Variants in DDX10 observed in about 807,000 individuals in gnomAD.
The protein encoded by DDX10 is probable ATP-dependent RNA helicase DDX10.
In DDX10, 74 loss-of-function variants were observed where a neutral mutation model predicts 104.3. That is an observed-to-expected ratio of 0.71 (90% CI 0.59 to 0.86). The LOEUF is 0.86. Among genes scored for constraint, DDX10 ranks in the 40% least tolerant of loss-of-function variants. DDX10 has a pLI of 0.00. For synonymous variants in DDX10, 351 were observed against 353.4 expected (o/e 0.99, Z 0.08); for missense variants, 952 against 1,040.0 (o/e 0.92, Z 1.16).
intron 13 of DDX10, among the ~76,000 whole-genome samples, chr11:108,809,634 C>T (rs563712240): frequency 2.0e-5 from 3 of 152,286 alleles, no homozygotes; most frequent in Non-Finnish European, 2.9e-5. Context: ...GAGCTACCTG[C>T]TCATACCAGG....
intron 13 of DDX10, among the ~76,000 whole-genome samples, chr11:108,811,500 G>A (rs1862179492): frequency 6.6e-6 from 1 of 152,050 alleles, no homozygotes; most frequent in South Asian, 2.1e-4. Context: ...TTTTGAAAAG[G>A]AAACAAATTA....
intron 17 of DDX10, among the ~76,000 whole-genome samples, chr11:108,930,039 G>T (rs1359270800): frequency 6.6e-6 from 1 of 152,104 alleles, no homozygotes; most frequent in Non-Finnish European, 1.5e-5. Context: ...TCAAATTAGA[G>T]TTCACTTTCG....
At chr11:108,838,201 G>C (rs1015335418) in intron 13 of DDX10, among the ~76,000 whole-genome samples, 2 of 152,218 alleles carry the variant, frequency 1.3e-5, no homozygotes, top group South Asian at 4.1e-4. Flanking sequence ...TCTAGTAATA[G>C]AGAAAATGTA....
intron 13 of DDX10, among the ~76,000 whole-genome samples, chr11:108,836,680 G>A (rs1360554100): frequency 6.6e-6 from 1 of 152,012 alleles, no homozygotes; most frequent in Non-Finnish European, 1.5e-5. Flanking sequence ...GTAGATTCGG[G>A]GTTTTGCTGT....
chr11:108,749,674 G>T (rs190548850), intron 13 of DDX10, among the ~76,000 whole-genome samples: 5 of 152,124 alleles, frequency 3.3e-5, no homozygotes, highest in Admixed American at 3.3e-4. Context: ...TGTCAATGAA[G>T]TTGAGTAATT....
intron 6 of DDX10, among the ~76,000 whole-genome samples, chr11:108,684,191 A>ATTTTTTTTTTTTTTTTTTTTTT (rs1565245731): frequency 9.0e-5 from 1 of 11,058 alleles, no homozygotes; most frequent in African/African-American, 3.6e-4. Flanking sequence ...TTTTTTTTTT[A>ATTTTTTTTTTTTTTTTTTTTTT]ATTTTTTTTT....
At chr11:108,853,075 A>G (rs1464506251) in intron 16 of DDX10, among the ~76,000 whole-genome samples, 1 of 152,198 alleles carries the variant, frequency 6.6e-6, no homozygotes, top group African/African-American at 2.4e-5. Flanking sequence ...ATTATTTAAT[A>G]CTGAATATAA....
At chr11:108,877,795 C>T (rs1012502188) in intron 16 of DDX10, among the ~76,000 whole-genome samples, 2 of 152,092 alleles carry the variant, frequency 1.3e-5, no homozygotes, top group East Asian at 1.9e-4. Flanking sequence ...AGGGTAGAAA[C>T]GCACAGTTCC....
intron 15 of DDX10, 76 bp downstream of exon 15, chr11:108,841,552 C>T: frequency 7.9e-7 from 1 of 1,260,842 alleles, no homozygotes; most frequent in Non-Finnish European, 1.1e-6. Context: ...ATTAGCTATT[C>T]ATTAATAAGT....
intron 16 of DDX10, among the ~76,000 whole-genome samples, chr11:108,886,910 T>C (rs1863303533): frequency 2.0e-5 from 3 of 152,246 alleles, no homozygotes; most frequent in Admixed American, 6.5e-5. Context: ...TTCTGGACAT[T>C]TGTAGGTTAT....
chr11:108,831,421 CAAAAAAAAA>C (rs779264219), intron 13 of DDX10, among the ~76,000 whole-genome samples: 3 of 69,812 alleles, frequency 4.3e-5, no homozygotes, highest in African/African-American at 1.9e-4. Flanking sequence ...GAGACTGTCT[CAAAAAAAAA>C]AAAAAAAAAA....
intron 13 of DDX10, among the ~76,000 whole-genome samples, chr11:108,835,296 G>A (rs1862538968): frequency 4.6e-5 from 7 of 152,218 alleles, no homozygotes; most frequent in Admixed American, 4.6e-4. Context: ...AAGCATAGTG[G>A]TGGAGAGAGG....
rs546782112 is a variant in DDX10, at chr11:108,841,260, T to C, written c.2086-55T>C. ...CAGAATCATCAGACAAAATGAAGTG[T>C]CTTTCTGGGGTATTCCCTACTTCCT... On this transcript the variant is annotated intron_variant, in intron 14 of 17. Coordinates refer to ENST00000322536, the MANE Select transcript of DDX10 (RefSeq NM_004398.4). 81 of 1,476,176 alleles carry C rather than the reference T, an allele frequency of 5.5e-5. No homozygotes were observed. In the South Asian group the frequency reaches 8.9e-4, roughly 16 times the overall value. The allele number at this position is 1,476,176 out of a possible 1,614,324, so 91.4% of individuals were successfully genotyped here.
At chr11:108,793,135 A>G (rs1371333402) in intron 13 of DDX10, among the ~76,000 whole-genome samples, 2 of 152,216 alleles carry the variant, frequency 1.3e-5, no homozygotes, top group Non-Finnish European at 2.9e-5. Flanking sequence ...GGGACTGAGC[A>G]TGACCTCTAA....
At chr11:108,698,485 A>G (rs1444574280) in intron 9 of DDX10, among the ~76,000 whole-genome samples, 1 of 152,204 alleles carries the variant, frequency 6.6e-6, no homozygotes, top group Non-Finnish European at 1.5e-5. Context: ...ATAAAAGGTC[A>G]CAGCAAATTT....
At chr11:108,936,526 T>C (rs1206836519) in intron 17 of DDX10, among the ~76,000 whole-genome samples, 1 of 152,000 alleles carries the variant, frequency 6.6e-6, no homozygotes, top group Non-Finnish European at 1.5e-5. Context: ...AAAAGAAAAT[T>C]AAAAAAAATC....
intron 13 of DDX10, among the ~76,000 whole-genome samples, chr11:108,735,484 A>G (rs935914775): frequency 6.6e-6 from 1 of 152,084 alleles, no homozygotes; most frequent in African/African-American, 2.4e-5. Context: ...AGATAGAATG[A>G]TCAGAGGTGG....
At chr11:108,813,603 T>C (rs1342288958) in intron 13 of DDX10, among the ~76,000 whole-genome samples, 2 of 152,134 alleles carry the variant, frequency 1.3e-5, no homozygotes, top group Non-Finnish European at 2.9e-5. Flanking sequence ...GTTTTGTCTT[T>C]TATGGGTTCT....
At chr11:108,920,884 A>T (rs1388171629) in intron 17 of DDX10, 1 of 152,268 alleles carries the variant, frequency 6.6e-6, no homozygotes, top group Non-Finnish European at 1.5e-5. Flanking sequence ...ATGTCTTCAG[A>T]CATGGCAGGT....
Sources: gnomAD v4.1 joint callset for allele counts (sites outside exome capture counted in the v4.1 genomes callset) on GRCh38, gnomAD v4.1.1 for gene constraint, MANE v1.5 for transcripts, NCBI Gene and HGNC (gene_info 2026-07-23, HGNC 2026-07-21) for gene names.